Variants in TMEM182 observed in about 807,000 individuals in gnomAD.
The protein encoded by TMEM182 is transmembrane protein 182.
A neutral mutation model predicts 26.8 loss-of-function variants in TMEM182; 20 were observed. The observed-to-expected ratio is 0.75, with a 90% CI of 0.53 to 1.09. The LOEUF is 1.09. TMEM182 is among the 50% of genes least tolerant of loss of function. TMEM182 has a pLI of 0.00. For synonymous variants in TMEM182, 109 were observed against 102.2 expected (o/e 1.07, Z -0.40); for missense variants, 277 against 275.5 (o/e 1.01, Z -0.04).
At chr2:102,782,746 C>A (rs151308180) in intron 3 of TMEM182, among the ~76,000 whole-genome samples, 2 of 152,146 alleles carry the variant, frequency 1.3e-5, no homozygotes, top group Admixed American at 1.3e-4. Context: ...CACTTTAAAA[C>A]AAGATCTATT....
chr2:102,809,547 T>C (rs1342128168), intron 4 of TMEM182, among the ~76,000 whole-genome samples: 1 of 152,114 alleles, frequency 6.6e-6, no homozygotes, highest in Non-Finnish European at 1.5e-5. Flanking sequence ...CCTGGAAACA[T>C]TTTCCCTGTT....
At chr2:102,778,525 G>C (rs1323067688) in intron 3 of TMEM182, among the ~76,000 whole-genome samples, 1 of 151,862 alleles carries the variant, frequency 6.6e-6, no homozygotes, top group Admixed American at 6.6e-5. Flanking sequence ...ATATGTTATT[G>C]CTTAATTCTA....
intron 3 of TMEM182, among the ~76,000 whole-genome samples, chr2:102,788,449 C>T (rs1681490592): frequency 1.3e-5 from 2 of 152,074 alleles, no homozygotes; most frequent in Non-Finnish European, 2.9e-5. Context: ...TGGCTTTGTA[C>T]ACAGGACCTC....
At position 102,754,012 on chromosome 2, in the gene TMEM182, C is replaced by T. The variant is rs532534986; in HGVS notation, c.-82-4377C>T. 2.8e-4 allele frequency among the ~76,000 whole-genome samples: 43 copies of T among 152,244 alleles called. No homozygotes were observed. The South Asian group carries it at 8.9e-3, about 32-fold the overall frequency. On this transcript the variant is annotated intron_variant, in intron 1 of 5. Transcript: ENST00000409173. The stretch of plus-strand genomic sequence containing the variant: ...GTAAAGGAGGTAGTAGAGAGGACGC[C>T]ACACAAGAATCACAAACTGTAATAC...
chr2:102,812,417 ACACAC>A (rs1682588660), intron 4 of TMEM182, among the ~76,000 whole-genome samples: 1 of 149,500 alleles, frequency 6.7e-6, no homozygotes, highest in Non-Finnish European at 1.5e-5. Flanking sequence ...ACACACACAC[ACACAC>A]ACACACACTG....
At chr2:102,745,499 C>T (rs1679667974) in intron 1 of TMEM182, among the ~76,000 whole-genome samples, 1 of 151,960 alleles carries the variant, frequency 6.6e-6, no homozygotes, top group Non-Finnish European at 1.5e-5. Flanking sequence ...ATTCACATAC[C>T]ATGTGATTCA....
chr2:102,770,847 C>T (rs1680642631), intron 3 of TMEM182, among the ~76,000 whole-genome samples: 1 of 152,196 alleles, frequency 6.6e-6, no homozygotes, highest in Admixed American at 6.5e-5. Flanking sequence ...GCAAAATAAA[C>T]TACAAACATG....
rs1351665128 is a variant in TMEM182, at chr2:102,797,846, C to T, written c.332-17C>T. 6.3e-7 allele frequency: 1 copy of T among 1,597,342 alleles called. No homozygotes were observed. Among genetic ancestry groups the T allele is most frequent in the South Asian group, 1.1e-5 (1 of 87,918 alleles). ...TGTATTTTTCTTTCTTTTCTCTTTT[C>T]CTCCTGGGGTCTCCAGTTTACCGTG... is the stretch of plus-strand genomic sequence containing the variant. On this transcript the variant is annotated splice_polypyrimidine_tract_variant and intron_variant, in intron 3 of 4. Transcript: ENST00000412401.
At chr2:102,749,347 A>G (rs182145259) in intron 1 of TMEM182, among the ~76,000 whole-genome samples, 7 of 152,308 alleles carry the variant, frequency 4.6e-5, no homozygotes, top group African/African-American at 7.2e-5. Flanking sequence ...AGTGTCCTCT[A>G]TATATTCCAT....
intron 3 of TMEM182, among the ~76,000 whole-genome samples, chr2:102,788,871 G>T (rs1019970070): frequency 3.9e-5 from 6 of 152,108 alleles, no homozygotes; most frequent in Admixed American, 2.6e-4. Context: ...AATGGGCCAC[G>T]CTGAGCACTG....
intron 4 of TMEM182, among the ~76,000 whole-genome samples, chr2:102,814,507 C>A (rs970419459): frequency 1.3e-5 from 2 of 152,216 alleles, no homozygotes; most frequent in Non-Finnish European, 2.9e-5. Context: ...AGGAAACACT[C>A]AATAAATACC....
At chr2:102,793,200 T>C (rs1310506525) in intron 3 of TMEM182, among the ~76,000 whole-genome samples, 2 of 152,220 alleles carry the variant, frequency 1.3e-5, no homozygotes, top group East Asian at 3.8e-4. Context: ...CAAACTGTTC[T>C]TCAGAAGGCA....
chr2:102,771,842 A>G (rs1573513893), intron 3 of TMEM182, among the ~76,000 whole-genome samples: 1 of 152,098 alleles, frequency 6.6e-6, no homozygotes, highest in East Asian at 1.9e-4. Context: ...GTATTGTGGG[A>G]TGTTTAGTGG....
At chr2:102,758,257 A>G (rs1403804617), upstream of TMEM182, 1 of 508,600 alleles carries the variant, frequency 2.0e-6, no homozygotes, top group East Asian at 3.2e-5. Context: ...GGAAGAGAGA[A>G]CCTATGTCTC....
At chr2:102,835,911 T>C (rs1011705774) in intron 3 of TMEM182, among the ~76,000 whole-genome samples, 7 of 144,020 alleles carry the variant, frequency 4.9e-5, no homozygotes, top group Non-Finnish European at 7.5e-5. Context: ...TGTGTTCTCA[T>C]TGTTCAGTTC....
intron 3 of TMEM182, 35 bp downstream of exon 3, chr2:102,764,462 G>A (rs773096056): frequency 2.2e-5 from 34 of 1,578,386 alleles, no homozygotes; most frequent in Admixed American, 3.4e-5. Context: ...ACTTCTAAAA[G>A]GGTCTTATCT....
At chr2:102,833,543 G>T (rs1329419076) in intron 3 of TMEM182, among the ~76,000 whole-genome samples, 1 of 152,140 alleles carries the variant, frequency 6.6e-6, no homozygotes, top group East Asian at 1.9e-4. Context: ...AGGAAACCAT[G>T]GTTCAACTCT....
At chr2:102,743,532 G>C (rs933884416) in intron 1 of TMEM182, among the ~76,000 whole-genome samples, 4 of 152,052 alleles carry the variant, frequency 2.6e-5, no homozygotes, top group African/African-American at 9.7e-5. Flanking sequence ...AACAGAGAAG[G>C]CTGGATAAGA....
chr2:102,819,460 G>T (rs769851103), downstream of TMEM182, among the ~76,000 whole-genome samples: 1 of 152,032 alleles, frequency 6.6e-6, no homozygotes, highest in Non-Finnish European at 1.5e-5. Context: ...GTAGAAAGTC[G>T]GATTAACTTG....
Sources: allele counts gnomAD v4.1 joint callset (sites outside exome capture counted in the v4.1 genomes callset), GRCh38; gene constraint gnomAD v4.1.1; transcripts MANE v1.5; gene names NCBI Gene and HGNC (gene_info 2026-07-23, HGNC 2026-07-21).